The following KPNA5 variants were observed in gnomAD, a reference collection of about 807,000 sequenced individuals.
The protein encoded by KPNA5 is karyopherin subunit alpha 5.
A neutral mutation model predicts 71.3 loss-of-function variants in KPNA5; 46 were observed. The ratio of observed to expected loss-of-function variants is 0.65; its 90% CI spans 0.51 to 0.83. KPNA5 has a LOEUF of 0.83. Ranked by LOEUF, KPNA5 falls within the 40% of genes least tolerant of loss-of-function variation. KPNA5 has a pLI of 0.00. For synonymous variants in KPNA5, 207 were observed against 201.4 expected, an observed-to-expected ratio of 1.03 and a Z score of -0.24; for missense variants, 547 against 628.3, an observed-to-expected ratio of 0.87 and a Z score of 1.38.
At chr6:116,706,324 A>G (rs922532095) in intron 7 of KPNA5, among the ~76,000 whole-genome samples, 1 of 152,232 alleles carries the variant, frequency 6.6e-6, no homozygotes, top group Non-Finnish European at 1.5e-5. Flanking sequence ...TCTTTTAACC[A>G]TGGCTGAAAC....
chr6:116,725,980 C>A lies in KPNA5; in HGVS notation c.1125+104C>A. On this transcript the variant is annotated intron_variant, in intron 11 of 13. Transcript: ENST00000368564. ...AAAAGATTCCTTTTTAAAAAGATACCGAAAAAGTATTTTAAAGAACATGGG... is the reference window on the plus strand; with the variant it reads ...AAAAGATTCCTTTTTAAAAAGATACAGAAAAAGTATTTTAAAGAACATGGG... The A allele has an allele frequency of 2.3e-6, 3 of 1,280,028 alleles. No individual in the cohort carries two copies. In the South Asian group the frequency reaches 4.5e-5, roughly 19 times the overall value. The allele number at this position is 1,280,028 out of a possible 1,614,324, so 79.3% of individuals were successfully genotyped here.
intron 1 of KPNA5, among the ~76,000 whole-genome samples, chr6:116,686,446 A>G (rs955357855): frequency 2.6e-5 from 4 of 152,162 alleles, no homozygotes; most frequent in East Asian, 1.9e-4. Flanking sequence ...GATGCTGGAT[A>G]TTAGACCTTT....
At position 116,725,741 on chromosome 6, in the gene KPNA5, C is replaced by A. The variant is rs771164277; in HGVS notation, c.1000-10C>A. The A allele has an allele frequency of 6.3e-7, 1 of 1,597,010 alleles. No individual in the cohort carries two copies. The highest frequency in any genetic ancestry group is 8.5e-7 in the Non-Finnish European group (1 of 1,172,640). Reference sequence around the variant, plus strand: ...TAAAACTTTTTGTTTCCATTTCTAACTTGTTTTAGGTAATTTTGAATTGTT... The same window carrying A: ...TAAAACTTTTTGTTTCCATTTCTAAATTGTTTTAGGTAATTTTGAATTGTT... On this transcript the variant is annotated splice_polypyrimidine_tract_variant and intron_variant, in intron 10 of 13. Coordinates refer to ENST00000368564, the MANE Select transcript of KPNA5 (RefSeq NM_001366306.2).
chr6:116,719,121 A>C lies in KPNA5; in HGVS notation c.756+2803A>C, dbSNP rs138606735. On this transcript the variant is annotated intron_variant, in intron 8 of 13. Transcript: ENST00000368564. ...TTCTACAATCCTATTTTATCTTTTC[A>C]ATAAGTAGTTGTCTTGCTCTCTGGT... 1.6e-4 allele frequency among the ~76,000 whole-genome samples: 25 copies of C among 152,206 alleles called. No individual in the cohort carries two copies. The East Asian group carries it at 4.6e-3, about 28-fold the overall frequency.
intron 10 of KPNA5, 108 bp downstream of exon 10, chr6:116,724,483 T>TTG: frequency 2.9e-6 from 2 of 691,356 alleles, no homozygotes; most frequent in Non-Finnish European, 2.6e-6. Context: ...ATCACCATAA[T>TTG]TGTGTGTGTG....
intron 4 of KPNA5, among the ~76,000 whole-genome samples, chr6:116,695,928 ATTCT>A (rs1562433364): frequency 6.6e-6 from 1 of 152,110 alleles, no homozygotes; most frequent in Non-Finnish European, 1.5e-5. Flanking sequence ...TCATTATTGA[ATTCT>A]TTATCTTGAT....
chr6:116,730,833 T>C (rs568235742), intron 13 of KPNA5, among the ~76,000 whole-genome samples: 1 of 152,296 alleles, frequency 6.6e-6, no homozygotes, highest in Admixed American at 6.5e-5. Context: ...GCATATTTAT[T>C]GTACTTTGTC....
intron 2 of KPNA5, among the ~76,000 whole-genome samples, chr6:116,691,726 C>T (rs1048177982): frequency 6.6e-6 from 1 of 152,086 alleles, no homozygotes; most frequent in African/African-American, 2.4e-5. Flanking sequence ...TCTTAGATAC[C>T]TCATAATCCA....
intron 11 of KPNA5, 22 bp from the exon 12 acceptor site, chr6:116,726,473 T>G: frequency 6.3e-7 from 1 of 1,595,602 alleles, no homozygotes; most frequent in Non-Finnish European, 8.6e-7. Context: ...TTGTACTGAT[T>G]ATATATTTTT....
chr6:116,724,421 TA>T, intron 10 of KPNA5, 46 bp downstream of exon 10: 1 of 1,304,404 alleles, frequency 7.7e-7, no homozygotes, highest in Non-Finnish European at 1.1e-6. Flanking sequence ...TAAAGGACTT[TA>T]AAAAATTTAT....
At position 116,716,251 on chromosome 6, in the gene KPNA5, CAAG is replaced by C; in HGVS notation, c.692_694del (p.Arg231del). 1 of 1,613,296 alleles carries C rather than the reference CAAG, an allele frequency of 6.2e-7. No homozygotes were observed. Among genetic ancestry groups the C allele is most frequent in the Non-Finnish European group, 8.5e-7 (1 of 1,179,746 alleles). On this transcript the variant is annotated inframe_deletion, in exon 8 of 14. Coordinates refer to ENST00000368564, the MANE Select transcript of KPNA5 (RefSeq NM_001366306.2). ...ACAAATTCAAACAGACTCACAACAA[CAAG>C]AAATGCCGTGTGGGCCCTCTCAAAT...
intron 12 of KPNA5, among the ~76,000 whole-genome samples, chr6:116,728,557 A>C (rs1387034963): frequency 2.6e-5 from 4 of 152,152 alleles, no homozygotes; most frequent in Non-Finnish European, 4.4e-5. Flanking sequence ...TAATCTCTTA[A>C]CTATGAGGCA....
chr6:116,687,866 C>T (rs1289214610), intron 1 of KPNA5, among the ~76,000 whole-genome samples: 1 of 152,224 alleles, frequency 6.6e-6, no homozygotes, highest in Non-Finnish European at 1.5e-5. Context: ...ATCTCTCTCT[C>T]TGAACTATGT....
intron 1 of KPNA5, among the ~76,000 whole-genome samples, chr6:116,683,212 A>T (rs867159999): frequency 6.6e-6 from 1 of 152,246 alleles, no homozygotes; most frequent in Non-Finnish European, 1.5e-5. Flanking sequence ...TGTGAATTTT[A>T]TGCTAGAGTA....
At chr6:116,728,012 T>C (rs1724217886) in intron 12 of KPNA5, among the ~76,000 whole-genome samples, 1 of 152,130 alleles carries the variant, frequency 6.6e-6, no homozygotes, top group Non-Finnish European at 1.5e-5. Flanking sequence ...TATTGTGAAA[T>C]TGTCGTCTTT....
intron 8 of KPNA5, among the ~76,000 whole-genome samples, chr6:116,718,465 G>C (rs941036596): frequency 6.6e-6 from 1 of 151,928 alleles, no homozygotes; most frequent in African/African-American, 2.4e-5. Flanking sequence ...GTTTCACCAT[G>C]TTGGTCAGGC....
intron 1 of KPNA5, among the ~76,000 whole-genome samples, chr6:116,685,288 T>C (rs1777532516): frequency 6.6e-6 from 1 of 152,194 alleles, no homozygotes; most frequent in Non-Finnish European, 1.5e-5. Flanking sequence ...TTTGTTGTTG[T>C]TGTTTATTTT....
At chr6:116,698,983 GTTA>G (rs1778133976) in intron 5 of KPNA5, among the ~76,000 whole-genome samples, 185 bp downstream of exon 5, 1 of 151,986 alleles carries the variant, frequency 6.6e-6, no homozygotes, top group Non-Finnish European at 1.5e-5. Flanking sequence ...TCTAGGAATT[GTTA>G]TTTTATTAAG....
At chr6:116,721,992 T>G in intron 8 of KPNA5, 134 bp from the exon 9 acceptor site, 1 of 593,280 alleles carries the variant, frequency 1.7e-6, no homozygotes, top group Non-Finnish European at 2.7e-6. Context: ...CTGATTATAA[T>G]TTTAAAACAA....
Sources: gnomAD v4.1 joint callset for allele counts (sites outside exome capture counted in the v4.1 genomes callset) on GRCh38, gnomAD v4.1.1 for gene constraint, MANE v1.5 for transcripts, NCBI Gene and HGNC (gene_info 2026-07-23, HGNC 2026-07-21) for gene names.